CAMK2D: variants seen among roughly 807,000 people sequenced by gnomAD.
CAMK2D encodes the protein calcium/calmodulin dependent protein kinase II delta.
Under a neutral mutation model 84.0 loss-of-function variants are expected in CAMK2D, and 37 were observed. That is an observed-to-expected ratio of 0.44 (90% CI 0.34 to 0.58). The LOEUF (loss-of-function observed/expected upper bound fraction) is 0.58. CAMK2D is among the 20% of genes least tolerant of loss of function. The pLI, the probability that CAMK2D is intolerant of heterozygous loss-of-function variation, is 0.02. For synonymous variants in CAMK2D, 202 were observed against 212.5 expected (o/e 0.95, Z 0.43); for missense variants, 448 against 652.5 (o/e 0.69, Z 3.41).
intron 3 of CAMK2D, among the ~76,000 whole-genome samples, chr4:113,617,419 C>T (rs186758960): frequency 3.3e-5 from 5 of 150,990 alleles, no homozygotes; most frequent in African/African-American, 1.2e-4. Context: ...GCTGAGAAAT[C>T]GCCACTGTAC....
chr4:113,691,551 G>A (rs550587700), intron 2 of CAMK2D, among the ~76,000 whole-genome samples: 21 of 152,154 alleles, frequency 1.4e-4, no homozygotes, highest in African/African-American at 4.8e-4. Flanking sequence ...TCAGGGGTTC[G>A]AGACCAGCCT....
At chr4:113,512,443 G>A (rs1280176199) in intron 12 of CAMK2D, among the ~76,000 whole-genome samples, 1 of 152,202 alleles carries the variant, frequency 6.6e-6, no homozygotes, top group Admixed American at 6.5e-5. Flanking sequence ...AGTACTGAGT[G>A]CAAGGTGCTC....
intron 3 of CAMK2D, among the ~76,000 whole-genome samples, chr4:113,633,674 G>T (rs1307295405): frequency 6.6e-6 from 1 of 152,156 alleles, no homozygotes; most frequent in Non-Finnish European, 1.5e-5. Context: ...AGATAGTACA[G>T]AAGTGACTGT....
intron 8 of CAMK2D, among the ~76,000 whole-genome samples, chr4:113,528,650 C>T (rs573867647): frequency 1.3e-5 from 2 of 151,810 alleles, no homozygotes; most frequent in African/African-American, 4.9e-5. Flanking sequence ...CCAAATGCAG[C>T]GTTTTAGCTA....
At chr4:113,529,991 T>G (rs2098447314) in intron 8 of CAMK2D, among the ~76,000 whole-genome samples, 1 of 152,228 alleles carries the variant, frequency 6.6e-6, no homozygotes, top group Non-Finnish European at 1.5e-5. Flanking sequence ...CTATCCTGGA[T>G]ATACTGAATC....
intron 2 of CAMK2D, among the ~76,000 whole-genome samples, chr4:113,726,554 G>A (rs2099546758): frequency 7.0e-6 from 1 of 142,610 alleles, no homozygotes; most frequent in Non-Finnish European, 1.5e-5. Context: ...GCTAATTTTT[G>A]TTTGTTTGTT....
intron 16 of CAMK2D, among the ~76,000 whole-genome samples, chr4:113,487,667 C>A (rs747159063): frequency 6.6e-6 from 1 of 151,980 alleles, no homozygotes; most frequent in Non-Finnish European, 1.5e-5. Context: ...TCCTATAGTG[C>A]TATTGATAAC....
intron 3 of CAMK2D, among the ~76,000 whole-genome samples, chr4:113,654,871 C>G (rs569598713): frequency 6.6e-6 from 1 of 151,630 alleles, no homozygotes; most frequent in South Asian, 2.1e-4. Context: ...ATATTATATA[C>G]TATATACAAC....
intron 16 of CAMK2D, among the ~76,000 whole-genome samples, chr4:113,488,893 A>G (rs1205988856): frequency 6.6e-6 from 1 of 152,186 alleles, no homozygotes; most frequent in Non-Finnish European, 1.5e-5. Context: ...TTGACCCTGT[A>G]TTTTGTTAGC....
intron 2 of CAMK2D, among the ~76,000 whole-genome samples, chr4:113,744,119 C>T (rs1395239186): frequency 2.0e-5 from 3 of 152,088 alleles, no homozygotes; most frequent in Non-Finnish European, 4.4e-5. Context: ...GGATTACAGG[C>T]GTGAGCCACC....
At chr4:113,603,339 T>C (rs1414396137) in intron 4 of CAMK2D, among the ~76,000 whole-genome samples, 1 of 147,538 alleles carries the variant, frequency 6.8e-6, no homozygotes, top group Non-Finnish European at 1.5e-5. Flanking sequence ...ATTAGGTATA[T>C]CTCCTAAAGC....
intron 8 of CAMK2D, among the ~76,000 whole-genome samples, chr4:113,524,450 T>C (rs372262332): frequency 1.3e-5 from 2 of 152,198 alleles, no homozygotes; most frequent in East Asian, 1.9e-4. Context: ...TTCATCCATG[T>C]TGTAGCACGG....
At chr4:113,514,953 C>T in intron 10 of CAMK2D, 116 bp downstream of exon 10, 3 of 1,009,886 alleles carry the variant, frequency 3.0e-6, no homozygotes, top group Non-Finnish European at 4.5e-6. Flanking sequence ...GTCAAAAATT[C>T]ATTCATTCTG....
chr4:113,496,252 A>G (rs1219317722), intron 16 of CAMK2D, among the ~76,000 whole-genome samples: 1 of 152,204 alleles, frequency 6.6e-6, no homozygotes, highest in African/African-American at 2.4e-5. Context: ...CCTTAAATCA[A>G]TGGAAGTAGC....
At chr4:113,714,187 C>T (rs72678791) in intron 2 of CAMK2D, among the ~76,000 whole-genome samples, 1 of 151,874 alleles carries the variant, frequency 6.6e-6, no homozygotes, top group African/African-American at 2.4e-5. Context: ...GTTTATGATA[C>T]CACCTTTAAG....
chr4:113,536,499 A>G (rs956052142), intron 7 of CAMK2D, among the ~76,000 whole-genome samples: 1 of 152,242 alleles, frequency 6.6e-6, no homozygotes, highest in Non-Finnish European at 1.5e-5. Flanking sequence ...TGTTGCTCAG[A>G]GGAAAATAAA....
chr4:113,761,620 C>G lies in CAMK2D; in HGVS notation c.-552G>C, dbSNP rs974942911. ...GCGCGCCGGGGCTCCGACGAGCGTG[C>G]GCGCCCGAGGCCGGCTTCCCTCCGG... On this transcript the variant is annotated 5_prime_UTR_variant, in exon 1 of 21. Coordinates refer to ENST00000511664, the MANE Select transcript of CAMK2D (RefSeq NM_001321571.2). 3.0e-6 allele frequency: 3 copies of G among 985,110 alleles called. No homozygotes were observed. Among genetic ancestry groups the G allele is most frequent in the Non-Finnish European group, 3.6e-6 (3 of 829,820 alleles). 61.0% of individuals were successfully genotyped at this position (985,110 alleles called of 1,614,324 possible).
In CAMK2D at chr4:113,685,568, T is replaced by C. The variant is rs2099357451; in HGVS notation, c.161-23796A>G. 1.3e-5 allele frequency among the ~76,000 whole-genome samples: 2 copies of C among 151,790 alleles called. 1 individual carries two copies. The highest frequency in any genetic ancestry group is 4.2e-4 in the South Asian group (2 of 4,776). On this transcript the variant is annotated intron_variant, in intron 2 of 20. Transcript: ENST00000511664. ...TTTCAGACTTTAAATAGGAAACACA[T>C]GAGCCCGTGAAAGGTAATAAATTAG...
At chr4:113,474,335 A>G (rs1171693019) in intron 16 of CAMK2D, among the ~76,000 whole-genome samples, 2 of 152,192 alleles carry the variant, frequency 1.3e-5, no homozygotes, top group Non-Finnish European at 2.9e-5. Flanking sequence ...TTGCATGATC[A>G]GAGATGTTCT....
Sources: allele counts gnomAD v4.1 joint callset (sites outside exome capture counted in the v4.1 genomes callset), GRCh38; gene constraint gnomAD v4.1.1; transcripts MANE v1.5; gene names NCBI Gene and HGNC (gene_info 2026-07-23, HGNC 2026-07-21).